Variants in TCERG1 observed in about 807,000 individuals in gnomAD.
The protein encoded by TCERG1 is TATA box binding protein (TBP)-associated factor, RNA polymerase II, S, 150kD.
In TCERG1, 37 loss-of-function variants were observed where a neutral mutation model predicts 144.7. That is an observed-to-expected ratio of 0.26 (90% CI 0.20 to 0.34). The LOEUF (loss-of-function observed/expected upper bound fraction) is 0.34. Among genes scored for constraint, TCERG1 ranks in the 10% least tolerant of loss-of-function variants. The pLI is 1.00. For missense variants in TCERG1, 1,027 were observed against 1,380.7 expected (o/e 0.74, Z 4.06); for synonymous variants, 492 against 458.2 (o/e 1.07, Z -0.94).
chr5:146,483,484 A>C, intron 14 of TCERG1, 56 bp from the exon 15 acceptor site: 1 of 1,480,000 alleles, frequency 6.8e-7, no homozygotes. Context: ...CAAAATTATG[A>C]CCTTTATATT....
chr5:146,463,023 C>T (rs536525422), intron 4 of TCERG1, among the ~76,000 whole-genome samples: 1 of 152,134 alleles, frequency 6.6e-6, no homozygotes, highest in Non-Finnish European at 1.5e-5. Context: ...CATTTAAGGG[C>T]ATACTCCTTA....
chr5:146,467,349 G>A (rs1197572300), intron 5 of TCERG1, among the ~76,000 whole-genome samples: 6 of 151,690 alleles, frequency 4.0e-5, no homozygotes, highest in Non-Finnish European at 8.8e-5. Context: ...ACTAAGCTTA[G>A]TTTTTTCAGC....
chr5:146,479,992 C>A, intron 11 of TCERG1, 36 bp from the exon 12 acceptor site: 4 of 1,589,844 alleles, frequency 2.5e-6, no homozygotes, highest in South Asian at 1.1e-5. Context: ...CAGAAGGATT[C>A]ATTCCTAAAT....
At chr5:146,504,064 T>A (rs1038426281) in intron 19 of TCERG1, 58 bp downstream of exon 19, 35 of 1,348,894 alleles carry the variant, frequency 2.6e-5, no homozygotes, top group Non-Finnish European at 3.3e-5. Flanking sequence ...AAATTTATTA[T>A]GTTACTGTTA....
intron 12 of TCERG1, 39 bp downstream of exon 12, chr5:146,480,133 C>G (rs1765216220): frequency 2.0e-6 from 3 of 1,467,404 alleles, no homozygotes; most frequent in Admixed American, 4.3e-5. Context: ...TAGATTATAT[C>G]TTTTAAAAGT....
chr5:146,484,026 C>T (rs1165388765), intron 15 of TCERG1, among the ~76,000 whole-genome samples: 1 of 152,114 alleles, frequency 6.6e-6, no homozygotes, highest in Non-Finnish European at 1.5e-5. Flanking sequence ...ATAGATATGA[C>T]TACCGTTGAA....
At chr5:146,477,646 T>G (rs1764961803) in intron 9 of TCERG1, among the ~76,000 whole-genome samples, 1 of 151,738 alleles carries the variant, frequency 6.6e-6, no homozygotes, top group Non-Finnish European at 1.5e-5. Context: ...TTGTAGTGCT[T>G]GTAGTGGGCT....
intron 16 of TCERG1, among the ~76,000 whole-genome samples, chr5:146,496,785 A>C (rs1766941852): frequency 6.6e-6 from 1 of 150,948 alleles, no homozygotes; most frequent in East Asian, 2.0e-4. Flanking sequence ...TTAAGCAGTC[A>C]TCCTGAGTAG....
intron 5 of TCERG1, among the ~76,000 whole-genome samples, chr5:146,465,759 C>T (rs757294323): frequency 2.6e-5 from 4 of 152,082 alleles, no homozygotes; most frequent in African/African-American, 4.8e-5. Flanking sequence ...AGGCTGGGCA[C>T]GGTGGCTTAC....
chr5:146,491,014 T>G (rs75623709), intron 15 of TCERG1, among the ~76,000 whole-genome samples: 9,669 of 152,138 alleles, frequency 0.064, 424 homozygotes, highest in Non-Finnish European at 0.085. Context: ...TCTTTTATAT[T>G]TTTATTTTTC....
intron 16 of TCERG1, among the ~76,000 whole-genome samples, chr5:146,494,332 A>G (rs1766687342): frequency 6.6e-6 from 1 of 152,170 alleles, no homozygotes; most frequent in South Asian, 2.1e-4. Flanking sequence ...AAGTCTTAAG[A>G]TGTCTGCAGC....
At position 146,510,433 on chromosome 5, in the gene TCERG1, T is replaced by C; in HGVS notation, c.3147-8T>C. ...CAGTAATTCTTGGACTTCTTTTTCT[T>C]ATTTCAGATCCAAAAAATTAATCCA... On this transcript the variant is annotated splice_region_variant and splice_polypyrimidine_tract_variant and intron_variant, in intron 22 of 22. Transcript: ENST00000679501. 1.2e-6 allele frequency: 2 copies of C among 1,606,524 alleles called. No individual in the cohort carries two copies. Among genetic ancestry groups the C allele is most frequent in the Non-Finnish European group, 1.7e-6 (2 of 1,173,352 alleles).
At chr5:146,481,768 G>A (rs1377050110) in intron 13 of TCERG1, 2 of 152,206 alleles carry the variant, frequency 1.3e-5, no homozygotes, top group Non-Finnish European at 2.9e-5. Flanking sequence ...GATTATTTAC[G>A]TGAATGGGCC....
intron 4 of TCERG1, 151 bp from the exon 5 acceptor site, chr5:146,463,400 G>T: frequency 9.3e-7 from 1 of 1,074,778 alleles, no homozygotes; most frequent in South Asian, 1.6e-5. Flanking sequence ...GTATTTTCAA[G>T]CTTCTTGAAG....
intron 2 of TCERG1, among the ~76,000 whole-genome samples, chr5:146,455,899 C>T (rs1762790941): frequency 6.6e-6 from 1 of 152,188 alleles, no homozygotes; most frequent in East Asian, 1.9e-4. Context: ...TCCAGACTTA[C>T]TGTCTGAGGT....
chr5:146,463,483 A>G, intron 4 of TCERG1, 68 bp from the exon 5 acceptor site: 1 of 1,595,270 alleles, frequency 6.3e-7, no homozygotes, highest in South Asian at 1.1e-5. Context: ...GAATGTGTAA[A>G]TGATGAATGA....
chr5:146,496,075 C>A (rs1462116218), intron 16 of TCERG1, among the ~76,000 whole-genome samples: 4 of 152,176 alleles, frequency 2.6e-5, no homozygotes, highest in Non-Finnish European at 5.9e-5. Flanking sequence ...ATTGCTTGAA[C>A]CTGGAGGCGG....
chr5:146,455,227 G>A lies in TCERG1; in HGVS notation c.231G>A (p.Pro77=), dbSNP rs763905439. The A allele has an allele frequency of 8.7e-6, 14 of 1,614,124 alleles. No homozygotes were observed. The highest frequency in any genetic ancestry group is 4.4e-5 in the South Asian group (4 of 91,076). ...GTCCTCCTTTTGATCCTAATATGCC[G>A]CCAATGCCTCCTCCAGGAGGGATAC... ...FGRPPFDPNM[P]PMPPPGGIPP... is the part of the protein sequence containing the mutation. The change falls in exon 2 of 23, where the codon CCG becomes CCA. Residue 77 remains proline, a synonymous_variant. Coordinates refer to ENST00000679501, the MANE Select transcript of TCERG1 (RefSeq NM_001382548.1).
At chr5:146,448,011 C>T (rs535620146) in intron 1 of TCERG1, among the ~76,000 whole-genome samples, 1 of 152,318 alleles carries the variant, frequency 6.6e-6, no homozygotes, top group East Asian at 1.9e-4. Flanking sequence ...GTAGCAACCC[C>T]TTATTAGGCA....
Sources: allele counts gnomAD v4.1 joint callset (sites outside exome capture counted in the v4.1 genomes callset), GRCh38; gene constraint gnomAD v4.1.1; transcripts MANE v1.5; gene names NCBI Gene and HGNC (gene_info 2026-07-23, HGNC 2026-07-21).